The following EYS variants were observed in gnomAD, a reference collection of about 807,000 sequenced individuals.
The protein encoded by EYS is EGF-like photoreceptor maintenance factor, also known as protein eyes shut homolog.
Under a neutral mutation model 282.1 loss-of-function variants are expected in EYS, and 250 were observed. That is an observed-to-expected ratio of 0.89 (90% CI 0.80 to 0.98). The LOEUF (loss-of-function observed/expected upper bound fraction) is 0.98, where lower values mean the gene tolerates loss of function less well. Among genes scored for constraint, EYS ranks in the 50% least tolerant of loss-of-function variants. The pLI is 0.00. For synonymous variants in EYS, 1,355 were observed against 1,282.9 expected, an observed-to-expected ratio of 1.06 and a Z score of -1.20; for missense variants, 4,016 against 3,709.0, an observed-to-expected ratio of 1.08 and a Z score of -2.15.
chr6:64,707,612 T>C (rs1344852548), intron 22 of EYS, among the ~76,000 whole-genome samples: 2 of 137,588 alleles, frequency 1.5e-5, no homozygotes, highest in Non-Finnish European at 3.0e-5. Flanking sequence ...TTGCAGTGAG[T>C]GGAGATCACG....
intron 14 of EYS, among the ~76,000 whole-genome samples, chr6:64,977,979 G>A (rs1198531298): frequency 1.3e-5 from 2 of 151,884 alleles, no homozygotes; most frequent in African/African-American, 2.4e-5. Flanking sequence ...ACAAGGTGAA[G>A]CAGCAAGTGA....
chr6:64,507,842 CT>C (rs1424021655), intron 26 of EYS, among the ~76,000 whole-genome samples: 3 of 152,072 alleles, frequency 2.0e-5, no homozygotes, highest in Non-Finnish European at 4.4e-5. Flanking sequence ...GTTTTAGTTT[CT>C]TTCAAAAAAT....
chr6:65,392,971 A>G (rs1582232531), intron 7 of EYS, among the ~76,000 whole-genome samples: 1 of 152,186 alleles, frequency 6.6e-6, no homozygotes, highest in Non-Finnish European at 1.5e-5. Context: ...TCACATATAC[A>G]CCATGGAATA....
rs146473920 is a variant in EYS, at chr6:63,880,463, ATCTGTCTG to A, written c.7056-16113_7056-16106del. ...CAAACTTCCCATTATATCTCTGTCT[ATCTGTCTG>A]TCTGTCTGTCTGTCTGTATCTATCT... On this transcript the variant is annotated intron_variant, in intron 35 of 42. Transcript: ENST00000503581. Among the ~76,000 whole-genome samples the A allele has an allele frequency of 2.1e-5, 3 of 144,878 alleles. No homozygotes were observed. In the East Asian group the frequency reaches 6.0e-4, roughly 29 times the overall value.
At chr6:65,422,929 A>G (rs930220023) in intron 5 of EYS, among the ~76,000 whole-genome samples, 1 of 151,692 alleles carries the variant, frequency 6.6e-6, no homozygotes, top group African/African-American at 2.4e-5. Context: ...AATAACTCCA[A>G]ACTTAAAATT....
At chr6:65,145,615 T>C (rs1764458489) in intron 12 of EYS, among the ~76,000 whole-genome samples, 1 of 152,054 alleles carries the variant, frequency 6.6e-6, no homozygotes, top group African/African-American at 2.4e-5. Context: ...CAATACATAA[T>C]GGCAATGTCA....
intron 14 of EYS, among the ~76,000 whole-genome samples, chr6:64,958,476 G>A (rs903826861): frequency 4.0e-5 from 6 of 151,768 alleles, no homozygotes; most frequent in Admixed American, 6.6e-5. Context: ...GGCCGGGCGC[G>A]GTGGCTCACG....
intron 22 of EYS, among the ~76,000 whole-genome samples, chr6:64,677,330 T>TA (rs1297180967): frequency 6.6e-6 from 1 of 152,092 alleles, no homozygotes; most frequent in Non-Finnish European, 1.5e-5. Context: ...ACTGGTTTTT[T>TA]AAAAAAACGC....
At chr6:64,231,982 C>A (rs1766437760) in intron 30 of EYS, among the ~76,000 whole-genome samples, 1 of 152,144 alleles carries the variant, frequency 6.6e-6, no homozygotes, top group African/African-American at 2.4e-5. Context: ...GAAGTCACTT[C>A]AAACATTCCC....
At chr6:64,205,064 T>C (rs1296388754) in intron 31 of EYS, among the ~76,000 whole-genome samples, 1 of 152,182 alleles carries the variant, frequency 6.6e-6, no homozygotes, top group Non-Finnish European at 1.5e-5. Context: ...TTTCAGCTCT[T>C]CTGTAGTTTG....
At chr6:64,835,841 A>G (rs1265023813) in intron 19 of EYS, among the ~76,000 whole-genome samples, 1 of 151,648 alleles carries the variant, frequency 6.6e-6, no homozygotes, top group African/African-American at 2.4e-5. Flanking sequence ...AAGGCTCGAG[A>G]CAATGAGTGC....
At chr6:65,174,788 C>T (rs1581982258) in intron 12 of EYS, among the ~76,000 whole-genome samples, 2 of 151,276 alleles carry the variant, frequency 1.3e-5, no homozygotes, top group Admixed American at 6.6e-5. Context: ...TGGAAATTTT[C>T]ATAAGAAATT....
chr6:64,006,055 TGGGCAGTATGGCCATATTA>T (rs1768332256), intron 33 of EYS, among the ~76,000 whole-genome samples: 2 of 152,242 alleles, frequency 1.3e-5, no homozygotes, highest in African/African-American at 4.8e-5. Context: ...TAAATTGCTT[TGGGCAGTATGGCCATATTA>T]GCAATATTGA....
intron 1 of EYS, among the ~76,000 whole-genome samples, chr6:65,663,030 G>T (rs889378792): frequency 2.6e-5 from 4 of 152,034 alleles, no homozygotes; most frequent in African/African-American, 4.8e-5. Context: ...AAAAATATTT[G>T]AAAATAATAC....
chr6:64,924,842 T>C (rs1226774256), intron 15 of EYS, among the ~76,000 whole-genome samples: 4 of 152,200 alleles, frequency 2.6e-5, no homozygotes, highest in Admixed American at 2.6e-4. Context: ...CATATCACTA[T>C]CAGCATTTGG....
At chr6:64,655,571 T>G (rs1768714897) in intron 22 of EYS, among the ~76,000 whole-genome samples, 1 of 152,000 alleles carries the variant, frequency 6.6e-6, no homozygotes, top group East Asian at 1.9e-4. Flanking sequence ...TAATGTTTGC[T>G]ATATATATGT....
At chr6:65,646,440 T>C (rs918437072) in intron 1 of EYS, among the ~76,000 whole-genome samples, 2 of 152,296 alleles carry the variant, frequency 1.3e-5, no homozygotes, top group Non-Finnish European at 2.9e-5. Context: ...ATTATATCAA[T>C]AGATGCAGAC....
chr6:65,294,643 T>C (rs1177859128), intron 12 of EYS, among the ~76,000 whole-genome samples: 1 of 151,912 alleles, frequency 6.6e-6, no homozygotes, highest in East Asian at 1.9e-4. Context: ...CATATGTATT[T>C]AGCCATGCAA....
intron 5 of EYS, among the ~76,000 whole-genome samples, chr6:65,415,526 G>A (rs1040217232): frequency 6.6e-6 from 1 of 151,928 alleles, no homozygotes; most frequent in East Asian, 1.9e-4. Flanking sequence ...GCAATAAAGG[G>A]GACAGATTCT....
Sources: allele counts gnomAD v4.1 joint callset (sites outside exome capture counted in the v4.1 genomes callset), GRCh38; gene constraint gnomAD v4.1.1; transcripts MANE v1.5; gene names NCBI Gene and HGNC (gene_info 2026-07-23, HGNC 2026-07-21).